Variants in PHF14 observed in about 807,000 individuals in gnomAD.
PHF14 encodes the protein PHD finger protein 14.
Under a neutral mutation model 117.9 loss-of-function variants are expected in PHF14, and 55 were observed. That is an observed-to-expected ratio of 0.47 (90% CI 0.38 to 0.58). The LOEUF (loss-of-function observed/expected upper bound fraction) is 0.58. PHF14 is among the 20% of genes least tolerant of loss of function. The pLI is 0.00. For missense variants in PHF14, 978 were observed against 1,122.2 expected, an observed-to-expected ratio of 0.87 and a Z score of 1.84; for synonymous variants, 409 against 368.6, an observed-to-expected ratio of 1.11 and a Z score of -1.26.
At chr7:10,986,225 C>G (rs1656709933) in intron 3 of PHF14, among the ~76,000 whole-genome samples, 1 of 150,822 alleles carries the variant, frequency 6.6e-6, no homozygotes, top group Non-Finnish European at 1.5e-5. Flanking sequence ...CACAAGCAGT[C>G]CTCCTGCTTC....
rs571049984 is a variant in PHF14, at chr7:11,153,887, T to G, written c.2773-15529T>G. Among the ~76,000 whole-genome samples, 126 of 150,006 alleles carry G rather than the reference T, an allele frequency of 8.4e-4. 1 individual carries two copies. Among genetic ancestry groups the G allele is most frequent in the Middle Eastern group, 3.4e-3 (1 of 294 alleles). ...AGATGGCTACAGAGTCTCGAAGTAT[T>G]GTGTCCTCACATTATAATACATAGA... is the stretch of plus-strand genomic sequence containing the variant. On this transcript the variant is annotated intron_variant, in intron 17 of 17. Coordinates refer to ENST00000634607, the MANE Select transcript of PHF14 (RefSeq NM_001007157.2).
At chr7:11,005,895 C>T (rs555663467) in intron 4 of PHF14, among the ~76,000 whole-genome samples, 2 of 146,252 alleles carry the variant, frequency 1.4e-5, no homozygotes, top group East Asian at 2.0e-4. Flanking sequence ...TGGGTTCAAG[C>T]GATTCTCCCG....
chr7:10,987,499 G>T (rs1018829377), intron 3 of PHF14, among the ~76,000 whole-genome samples: 1 of 151,970 alleles, frequency 6.6e-6, no homozygotes, highest in Non-Finnish European at 1.5e-5. Context: ...CATTTTGGGG[G>T]TAAGTTTTAA....
At chr7:11,127,700 C>T (rs947072941) in intron 17 of PHF14, among the ~76,000 whole-genome samples, 1 of 152,068 alleles carries the variant, frequency 6.6e-6, no homozygotes, top group Non-Finnish European at 1.5e-5. Context: ...TTTCCTCATT[C>T]TTCAGACTTC....
intron 4 of PHF14, among the ~76,000 whole-genome samples, chr7:10,993,302 G>A (rs1475724441): frequency 6.6e-6 from 1 of 151,900 alleles, no homozygotes. Flanking sequence ...TGCTTTTCTG[G>A]TATTACAGCC....
At chr7:10,989,397 G>A (rs933294958) in intron 3 of PHF14, among the ~76,000 whole-genome samples, 3 of 151,982 alleles carry the variant, frequency 2.0e-5, no homozygotes, top group Non-Finnish European at 2.9e-5. Context: ...TGTATTGTAT[G>A]AAACTAATTT....
chr7:11,079,794 G>T (rs1354321215), intron 16 of PHF14, among the ~76,000 whole-genome samples: 1 of 151,884 alleles, frequency 6.6e-6, no homozygotes, highest in African/African-American at 2.4e-5. Flanking sequence ...GATTTTGTTT[G>T]TTCTTTACAG....
chr7:11,066,228 T>C lies in PHF14; in HGVS notation c.2654+4143T>C, dbSNP rs576407706. Among the ~76,000 whole-genome samples, 37 of 152,338 alleles carry C rather than the reference T, an allele frequency of 2.4e-4. No homozygotes were observed. In the East Asian group the frequency reaches 5.4e-3, roughly 22 times the overall value. ...AAAACCAGCAAGAATTCATATGTATTACATTTTAATTTCAAATATTAGTCT... is the reference window on the plus strand; with the variant it reads ...AAAACCAGCAAGAATTCATATGTATCACATTTTAATTTCAAATATTAGTCT... On this transcript the variant is annotated intron_variant, in intron 16 of 17. Coordinates refer to ENST00000634607, the MANE Select transcript of PHF14 (RefSeq NM_001007157.2).
intron 3 of PHF14, among the ~76,000 whole-genome samples, chr7:10,985,479 C>A (rs776585329): frequency 2.0e-5 from 3 of 151,818 alleles, no homozygotes; most frequent in Non-Finnish European, 4.4e-5. Context: ...AAATAATGAC[C>A]TGAAACTTTC....
intron 8 of PHF14, among the ~76,000 whole-genome samples, 166 bp from the exon 9 acceptor site, chr7:11,036,252 A>G (rs1017970753): frequency 6.6e-6 from 1 of 152,300 alleles, no homozygotes; most frequent in South Asian, 2.1e-4. Context: ...TTGTAACTCA[A>G]AAATTATACA....
intron 5 of PHF14, among the ~76,000 whole-genome samples, chr7:11,016,234 T>C (rs1400310163): frequency 1.3e-5 from 2 of 152,196 alleles, no homozygotes; most frequent in Non-Finnish European, 2.9e-5. Flanking sequence ...CTGGAAATTA[T>C]AGGCCTTCAC....
At chr7:11,089,710 T>C (rs1044026306) in intron 16 of PHF14, among the ~76,000 whole-genome samples, 1 of 151,884 alleles carries the variant, frequency 6.6e-6, no homozygotes, top group East Asian at 1.9e-4. Flanking sequence ...GAATATACTA[T>C]TAAAAGTGTG....
chr7:11,106,553 T>G (rs1787273857), intron 16 of PHF14: 1 of 982,844 alleles, frequency 1.0e-6, no homozygotes, highest in African/African-American at 1.8e-5. Flanking sequence ...AAGCTTGTAT[T>G]ATTTGTAAAG....
intron 17 of PHF14, among the ~76,000 whole-genome samples, chr7:11,129,548 C>CTTTTT (rs71023891): frequency 7.5e-6 from 1 of 133,452 alleles, no homozygotes; most frequent in Non-Finnish European, 1.7e-5. Context: ...GTGTATGTTT[C>CTTTTT]TTTTTTTTTT....
At chr7:11,073,098 T>C (rs762672407) in intron 16 of PHF14, among the ~76,000 whole-genome samples, 14 of 152,106 alleles carry the variant, frequency 9.2e-5, no homozygotes, top group Non-Finnish European at 1.2e-4. Flanking sequence ...TTGCCCCCCC[T>C]CCCCAGTTTT....
chr7:11,104,451 A>G (rs2190293), intron 16 of PHF14: 327,069 of 963,312 alleles, frequency 0.34, 57,172 homozygotes, highest in East Asian at 0.73. Context: ...AATCGGTCCA[A>G]CTACTATAAG....
rs892968352 is a variant in PHF14 at position 11,078,955 on chromosome 7, CATATTT to C, written c.2654+16873_2654+16878del. On this transcript the variant is annotated intron_variant, in intron 16 of 17. Transcript: ENST00000634607. ...CTACATAAGTATTTTTAGCATTTCT[CATATTT>C]ATTATCTATGTAGCTACTAATGTAT... is the stretch of plus-strand genomic sequence containing the variant. 2.6e-5 allele frequency among the ~76,000 whole-genome samples: 4 copies of C among 152,018 alleles called. 1 individual carries two copies. The highest frequency in any genetic ancestry group is 2.6e-4 in the Admixed American group (4 of 15,260).
At chr7:11,047,173 A>G (rs1372058645) in intron 13 of PHF14, among the ~76,000 whole-genome samples, 1 of 151,854 alleles carries the variant, frequency 6.6e-6, no homozygotes, top group African/African-American at 2.4e-5. Flanking sequence ...GGTGCAAGCA[A>G]TTCTCCTGCC....
rs374664759 is a variant in PHF14, at chr7:10,982,770, A to G, written c.511A>G (p.Thr171Ala). 5.1e-5 allele frequency: 83 copies of G among 1,613,782 alleles called. No homozygotes were observed. Among genetic ancestry groups the G allele is most frequent in the South Asian group, 6.6e-5 (6 of 91,080 alleles). ...ATCCCCTTCTGTTCCCACTACGACA[A>G]CCGCTACAGAGGAACAAGTCAGCGA... ...NTSPSVPTTT[T>A]ATEEQVSEPK... Residue 171 changes from threonine to alanine, a missense_variant, in exon 3 of 18, where the codon ACC (threonine) becomes GCC (alanine). Around this residue, in one of 7 missense-constraint regions of PHF14, gnomAD observed 414 missense variants for 376.4 expected, o/e 1.10. Transcript: ENST00000634607.
Sources: gnomAD v4.1 joint callset for allele counts (sites outside exome capture counted in the v4.1 genomes callset) on GRCh38, gnomAD v4.1.1 for gene constraint, gnomAD v4.1.1 regional missense constraint, MANE v1.5 for transcripts, NCBI Gene and HGNC (gene_info 2026-07-23, HGNC 2026-07-21) for gene names.